Variants in PACRG observed in about 807,000 individuals in gnomAD.
The protein encoded by PACRG is parkin coregulated gene protein.
In PACRG, 29 loss-of-function variants were observed where a neutral mutation model predicts 29.7. The observed-to-expected ratio is 0.98, with a 90% CI of 0.73 to 1.33. The LOEUF is 1.33. Ranked by LOEUF, PACRG falls within the 40% of genes most tolerant of loss-of-function variation. The pLI is 0.00. For missense variants in PACRG, 279 were observed against 316.2 expected, an observed-to-expected ratio of 0.88 and a Z score of 0.89; for synonymous variants, 116 against 118.7, an observed-to-expected ratio of 0.98 and a Z score of 0.15.
intron 2 of PACRG, among the ~76,000 whole-genome samples, chr6:162,976,675 G>A (rs1017859148): frequency 2.6e-5 from 4 of 152,076 alleles, no homozygotes; most frequent in East Asian, 1.9e-4. Context: ...CATTTTTATC[G>A]TTTAACTTCT....
chr6:162,947,411 ATAATC>A (rs1391167176), intron 2 of PACRG, among the ~76,000 whole-genome samples: 1 of 62,394 alleles, frequency 1.6e-5, no homozygotes, highest in Non-Finnish European at 3.7e-5. Context: ...ATAATCATAT[ATAATC>A]ATACATAAAA....
chr6:162,948,899 A>G (rs919153750), intron 2 of PACRG, among the ~76,000 whole-genome samples: 1 of 152,104 alleles, frequency 6.6e-6, no homozygotes, highest in Non-Finnish European at 1.5e-5. Context: ...GCCGGTGAGC[A>G]TGTGGGAATG....
intron 4 of PACRG, among the ~76,000 whole-genome samples, chr6:163,229,251 G>T (rs949813309): frequency 6.6e-6 from 1 of 152,024 alleles, no homozygotes; most frequent in Non-Finnish European, 1.5e-5. Context: ...AGGGGGCTGG[G>T]GCAGGAGGAT....
At chr6:163,287,877 A>C (rs1367185362) in intron 4 of PACRG, among the ~76,000 whole-genome samples, 1 of 151,898 alleles carries the variant, frequency 6.6e-6, no homozygotes, top group Non-Finnish European at 1.5e-5. Context: ...GTTCCTGGAG[A>C]TTTTCAGGAT....
chr6:163,008,533 C>T (rs1405194638), intron 2 of PACRG, among the ~76,000 whole-genome samples: 1 of 151,360 alleles, frequency 6.6e-6, no homozygotes, highest in African/African-American at 2.4e-5. Context: ...GAGAGGCCCA[C>T]AGAGTAATCA....
chr6:163,035,223 C>T (rs1808050976), intron 2 of PACRG, among the ~76,000 whole-genome samples: 1 of 152,164 alleles, frequency 6.6e-6, no homozygotes, highest in South Asian at 2.1e-4. Flanking sequence ...CTTAGAATGC[C>T]TTAACTGGGC....
At chr6:163,167,143 A>C (rs1778848372) in intron 4 of PACRG, among the ~76,000 whole-genome samples, 1 of 152,244 alleles carries the variant, frequency 6.6e-6, no homozygotes, top group Non-Finnish European at 1.5e-5. Flanking sequence ...CTGTTGTTCC[A>C]GTTTGCTGGT....
chr6:163,186,006 T>C (rs1779907661), intron 4 of PACRG, among the ~76,000 whole-genome samples: 1 of 152,286 alleles, frequency 6.6e-6, no homozygotes, highest in East Asian at 1.9e-4. Flanking sequence ...CTCTCTGTTT[T>C]GGTCCAGCCT....
chr6:163,070,540 A>G (rs763611003), intron 3 of PACRG, among the ~76,000 whole-genome samples: 2 of 152,068 alleles, frequency 1.3e-5, no homozygotes, highest in Non-Finnish European at 2.9e-5. Context: ...CAAAAAACAT[A>G]CAATGGATAT....
intron 2 of PACRG, among the ~76,000 whole-genome samples, chr6:162,976,788 A>G (rs1274634545): frequency 6.6e-6 from 1 of 152,226 alleles, no homozygotes; most frequent in Non-Finnish European, 1.5e-5. Context: ...AAAAGAAGAA[A>G]AATTATTTTG....
At chr6:162,767,785 T>G (rs1196587944) in intron 1 of PACRG, among the ~76,000 whole-genome samples, 1 of 152,028 alleles carries the variant, frequency 6.6e-6, no homozygotes, top group Non-Finnish European at 1.5e-5. Flanking sequence ...CCCCTCCTTT[T>G]TGAGGATTAA....
intron 1 of PACRG, among the ~76,000 whole-genome samples, chr6:162,813,652 C>A (rs1348645503): frequency 2.0e-5 from 3 of 151,960 alleles, no homozygotes; most frequent in Admixed American, 1.3e-4. Flanking sequence ...AGTTTTATAT[C>A]ATTTTAGTAG....
At chr6:163,079,862 A>G (rs1371992899) in intron 3 of PACRG, among the ~76,000 whole-genome samples, 1 of 149,158 alleles carries the variant, frequency 6.7e-6, no homozygotes, top group East Asian at 2.0e-4. Flanking sequence ...ACCTTTTCTC[A>G]ACCAGAAGAA....
At chr6:163,072,726 A>G (rs1812186325) in intron 3 of PACRG, among the ~76,000 whole-genome samples, 1 of 152,206 alleles carries the variant, frequency 6.6e-6, no homozygotes, top group Admixed American at 6.5e-5. Flanking sequence ...CTCCACCAAA[A>G]AACTATTAGA....
intron 2 of PACRG, among the ~76,000 whole-genome samples, chr6:163,038,425 C>T (rs376366047): frequency 4.6e-5 from 7 of 152,102 alleles, no homozygotes; most frequent in African/African-American, 1.4e-4. Flanking sequence ...CACAGTGAAG[C>T]GTTGAGGATA....
At chr6:162,842,693 G>A (rs557695227) in intron 2 of PACRG, among the ~76,000 whole-genome samples, 1,311 of 122,120 alleles carry the variant, frequency 0.011, 26 homozygotes, top group African/African-American at 0.044. Flanking sequence ...TCCTAGTCTC[G>A]ATGGTCTTTA....
At chr6:162,927,885 A>G (rs1341333215) in intron 2 of PACRG, among the ~76,000 whole-genome samples, 1 of 152,080 alleles carries the variant, frequency 6.6e-6, no homozygotes, top group Non-Finnish European at 1.5e-5. Flanking sequence ...ATCGTGGTGT[A>G]CTATCTTTTT....
intron 2 of PACRG, among the ~76,000 whole-genome samples, chr6:162,885,168 G>A (rs1794222892): frequency 6.6e-6 from 1 of 151,416 alleles, no homozygotes; most frequent in African/African-American, 2.4e-5. Context: ...ACACTGCAGG[G>A]ATTATAAACC....
intron 1 of PACRG, among the ~76,000 whole-genome samples, chr6:162,766,111 T>C (rs1489070231): frequency 2.0e-5 from 3 of 152,182 alleles, no homozygotes; most frequent in South Asian, 4.1e-4. Context: ...TTTAAAAATA[T>C]GTAATACATT....
Sources: gnomAD v4.1 joint callset for allele counts (sites outside exome capture counted in the v4.1 genomes callset) on GRCh38, gnomAD v4.1.1 for gene constraint, MANE v1.5 for transcripts, NCBI Gene and HGNC (gene_info 2026-07-23, HGNC 2026-07-21) for gene names.